The following ADGRL2 variants were observed in gnomAD, a reference collection of about 807,000 sequenced individuals.
The protein encoded by ADGRL2 is calcium-independent alpha-latrotoxin receptor 2.
Under a neutral mutation model 157.4 loss-of-function variants are expected in ADGRL2, and 44 were observed. The observed-to-expected ratio is 0.28, with a 90% confidence interval of 0.22 to 0.36. The LOEUF is 0.36. Ranked by LOEUF, ADGRL2 falls within the 10% of genes least tolerant of loss-of-function variation. The pLI is 1.00. For missense variants in ADGRL2, 1,510 were observed against 1,768.9 expected (o/e 0.85, Z 2.63); for synonymous variants, 585 against 624.7 (o/e 0.94, Z 0.95).
intron 1 of ADGRL2, among the ~76,000 whole-genome samples, chr1:81,317,358 T>C (rs1042537741): frequency 1.3e-5 from 2 of 152,162 alleles, no homozygotes; most frequent in Non-Finnish European, 2.9e-5. Context: ...CTGCTTTTCA[T>C]CCCTCAGAAC....
chr1:81,544,376 T>C (rs1395640576), intron 2 of ADGRL2, among the ~76,000 whole-genome samples: 1 of 152,280 alleles, frequency 6.6e-6, no homozygotes, highest in East Asian at 1.9e-4. Flanking sequence ...AAAAATGAAA[T>C]GTTTCTTTTT....
intron 2 of ADGRL2, among the ~76,000 whole-genome samples, chr1:81,501,347 G>T (rs1371808305): frequency 1.3e-5 from 2 of 152,168 alleles, no homozygotes; most frequent in East Asian, 1.9e-4. Context: ...GTACTATTCT[G>T]CAATATTTCT....
At chr1:81,398,912 C>G (rs1035226869) in intron 1 of ADGRL2, among the ~76,000 whole-genome samples, 1 of 152,152 alleles carries the variant, frequency 6.6e-6, no homozygotes, top group African/African-American at 2.4e-5. Flanking sequence ...ATTTGAGGAA[C>G]TTTGAGCTTC....
intron 2 of ADGRL2, among the ~76,000 whole-genome samples, chr1:81,788,529 G>A (rs1015802832): frequency 2.6e-5 from 4 of 152,152 alleles, no homozygotes; most frequent in African/African-American, 9.7e-5. Context: ...GAAGAAACAT[G>A]AGCCAAATAA....
At chr1:81,477,424 G>A (rs2078295409) in intron 2 of ADGRL2, among the ~76,000 whole-genome samples, 1 of 152,200 alleles carries the variant, frequency 6.6e-6, no homozygotes, top group Non-Finnish European at 1.5e-5. Context: ...GAGCAGTGAA[G>A]AGAAATTACA....
chr1:81,938,759 A>G (rs1172734049), intron 4 of ADGRL2, among the ~76,000 whole-genome samples: 1 of 151,380 alleles, frequency 6.6e-6, no homozygotes, highest in Non-Finnish European at 1.5e-5. Context: ...AACTAATATT[A>G]AAATACAATG....
At chr1:81,463,966 C>G (rs1419875755) in intron 2 of ADGRL2, among the ~76,000 whole-genome samples, 1 of 151,996 alleles carries the variant, frequency 6.6e-6, no homozygotes. Context: ...TTCCTACTTC[C>G]TCTCTTCCTT....
At chr1:81,740,414 C>T (rs549101351) in intron 1 of ADGRL2, among the ~76,000 whole-genome samples, 29 of 152,210 alleles carry the variant, frequency 1.9e-4, no homozygotes, top group African/African-American at 6.7e-4. Context: ...GTTTGAGTTC[C>T]AAGTAATGAC....
intron 1 of ADGRL2, among the ~76,000 whole-genome samples, chr1:81,347,900 T>C (rs1662594054): frequency 2.0e-5 from 3 of 152,130 alleles, no homozygotes; most frequent in Admixed American, 2.0e-4. Flanking sequence ...GCTTCTTGGA[T>C]TCTACAGGCC....
intron 2 of ADGRL2, among the ~76,000 whole-genome samples, chr1:81,554,570 C>CTTAGTG (rs1471627737): frequency 0.019 from 2,878 of 151,884 alleles, 94 homozygotes; most frequent in African/African-American, 0.065. Flanking sequence ...TTTCACTAAG[C>CTTAGTG]ACCAAATAGA....
chr1:81,846,844 T>G (rs568379374), intron 2 of ADGRL2, among the ~76,000 whole-genome samples: 15 of 152,070 alleles, frequency 9.9e-5, no homozygotes, highest in African/African-American at 3.6e-4. Context: ...GAAAGCCTGT[T>G]GGATTTTAAG....
intron 2 of ADGRL2, among the ~76,000 whole-genome samples, chr1:81,463,282 T>C (rs2101819344): frequency 1.3e-5 from 2 of 152,074 alleles, no homozygotes; most frequent in South Asian, 4.2e-4. Flanking sequence ...CCTGTGGTCT[T>C]TCTGAGACTC....
intron 1 of ADGRL2, among the ~76,000 whole-genome samples, chr1:81,417,292 T>G (rs571858328): frequency 6.6e-6 from 1 of 152,194 alleles, no homozygotes; most frequent in Admixed American, 6.5e-5. Context: ...ATTGCTATTA[T>G]GTGACTCCTA....
chr1:81,729,391 T>G (rs954376179), intron 1 of ADGRL2, among the ~76,000 whole-genome samples: 8 of 152,152 alleles, frequency 5.3e-5, no homozygotes, highest in African/African-American at 1.7e-4. Flanking sequence ...ATCTTGCAAT[T>G]TTAGTACTTT....
At chr1:81,334,082 T>G (rs890353422) in intron 1 of ADGRL2, among the ~76,000 whole-genome samples, 2 of 152,238 alleles carry the variant, frequency 1.3e-5, no homozygotes, top group Non-Finnish European at 2.9e-5. Context: ...TATGGCATTT[T>G]GTTACAGCAG....
chr1:81,572,647 A>C (rs2080718855), intron 2 of ADGRL2, among the ~76,000 whole-genome samples: 1 of 152,166 alleles, frequency 6.6e-6, no homozygotes, highest in Non-Finnish European at 1.5e-5. Context: ...AAACACCATT[A>C]CTGGAATATA....
At chr1:81,605,883 G>A (rs1207957860) in intron 3 of ADGRL2, among the ~76,000 whole-genome samples, 1 of 152,172 alleles carries the variant, frequency 6.6e-6, no homozygotes, top group Non-Finnish European at 1.5e-5. Flanking sequence ...ACTCTAAGCT[G>A]TTAAATGGAA....
intron 1 of ADGRL2, among the ~76,000 whole-genome samples, chr1:81,366,220 G>A (rs1337700605): frequency 2.0e-5 from 3 of 151,766 alleles, no homozygotes; most frequent in Non-Finnish European, 4.4e-5. Flanking sequence ...GCAAGGAAAA[G>A]GAATCTTAGG....
intron 1 of ADGRL2, among the ~76,000 whole-genome samples, chr1:81,345,173 G>A (rs2100792973): frequency 6.6e-6 from 1 of 152,300 alleles, no homozygotes; most frequent in East Asian, 1.9e-4. Context: ...TTATGACCCA[G>A]CCTTAGAACT....
Sources: allele counts gnomAD v4.1 joint callset (sites outside exome capture counted in the v4.1 genomes callset), GRCh38; gene constraint gnomAD v4.1.1; transcripts MANE v1.5; gene names NCBI Gene and HGNC (gene_info 2026-07-23, HGNC 2026-07-21).